Variants in BZW2 observed in about 807,000 individuals in gnomAD.
BZW2 encodes the protein basic leucine zipper and W2 domains 2.
BZW2 carries 23 observed loss-of-function variants against 53.2 expected under a neutral mutation model. That is an observed-to-expected ratio of 0.43 (90% CI 0.31 to 0.61). The LOEUF is 0.61. BZW2 is among the 20% of genes least tolerant of loss of function. The pLI is 0.09. For synonymous variants in BZW2, 227 were observed against 186.4 expected (o/e 1.22, Z -1.77); for missense variants, 409 against 503.1 (o/e 0.81, Z 1.79).
intron 7 of BZW2, among the ~76,000 whole-genome samples, chr7:16,691,233 C>G (rs573527687): frequency 1.3e-5 from 2 of 152,198 alleles, no homozygotes; most frequent in African/African-American, 4.8e-5. Flanking sequence ...CATGGTACCA[C>G]AAGCTGCAGA....
intron 1 of BZW2, among the ~76,000 whole-genome samples, chr7:16,649,382 G>A (rs1781936382): frequency 6.6e-6 from 1 of 152,128 alleles, no homozygotes; most frequent in South Asian, 2.1e-4. Flanking sequence ...GAGGTGAGGT[G>A]GCACTAAGCA....
rs961204941 is a variant in BZW2, at chr7:16,682,726, C to G, written c.340-54C>G. 4.4e-5 allele frequency: 51 copies of G among 1,168,176 alleles called. No individual in the cohort carries two copies. The African/African-American group carries it at 7.6e-4, about 17-fold the overall frequency. 72.4% of individuals were successfully genotyped at this position (1,168,176 alleles called of 1,614,324 possible). A position where few individuals can be genotyped will look rare whatever the true frequency, so the allele number is the denominator to read the frequency against. On this transcript the variant is annotated intron_variant, in intron 4 of 11. Transcript: ENST00000258761. ...TGTCATTATAGTGAGTTTCTATTACCTACTTCTGTGTCTTTTTGGTTGACC... is the reference window on the plus strand; with the variant it reads ...TGTCATTATAGTGAGTTTCTATTACGTACTTCTGTGTCTTTTTGGTTGACC...
chr7:16,657,890 T>C (rs1412622635), intron 1 of BZW2, among the ~76,000 whole-genome samples: 1 of 152,204 alleles, frequency 6.6e-6, no homozygotes, highest in East Asian at 1.9e-4. Flanking sequence ...ATTTCAGACC[T>C]AAGGGTCTTA....
At chr7:16,683,794 A>T (rs1162552780) in intron 5 of BZW2, among the ~76,000 whole-genome samples, 1 of 152,190 alleles carries the variant, frequency 6.6e-6, no homozygotes, top group African/African-American at 2.4e-5. Flanking sequence ...ATCTAAAGTA[A>T]AAAACCAAGT....
chr7:16,667,890 T>C (rs1467673514), intron 2 of BZW2, among the ~76,000 whole-genome samples: 1 of 152,210 alleles, frequency 6.6e-6, no homozygotes, highest in Non-Finnish European at 1.5e-5. Flanking sequence ...CCCACTACAT[T>C]GCCCCTTGCC....
Position 16,646,238 on chromosome 7 carries a change from C to T in BZW2, c.-58C>T. 1 of 343,492 alleles carries T rather than the reference C, an allele frequency of 2.9e-6. No homozygotes were observed. The highest frequency in any genetic ancestry group is 5.9e-6 in the Non-Finnish European group (1 of 168,266). The allele number at this position is 343,492 out of a possible 1,614,324, so 21.3% of individuals were successfully genotyped here. A position where few individuals can be genotyped will look rare whatever the true frequency, so the allele number is the denominator to read the frequency against. On this transcript the variant is annotated 5_prime_UTR_variant, in exon 1 of 12. It adds an upstream start codon to the 5' untranslated region. Transcript: ENST00000258761. ...TGCTGCTGCTGCCGCTGCTGCTGCA[C>T]GAATCGCCGCAGCCCCCAGCCTTGC... is the stretch of plus-strand genomic sequence containing the variant.
intron 1 of BZW2, among the ~76,000 whole-genome samples, chr7:16,663,208 G>GC (rs562202659): frequency 1.3e-5 from 2 of 152,106 alleles, no homozygotes; most frequent in Non-Finnish European, 2.9e-5. Context: ...TGTTGCTGTT[G>GC]CCCCCATACA....
intron 7 of BZW2, among the ~76,000 whole-genome samples, chr7:16,690,423 T>C (rs1008118907): frequency 6.6e-6 from 1 of 152,148 alleles, no homozygotes; most frequent in Non-Finnish European, 1.5e-5. Flanking sequence ...CAGGTTAGTC[T>C]TGAACTCCTG....
intron 1 of BZW2, among the ~76,000 whole-genome samples, chr7:16,647,774 A>T (rs1781903661): frequency 6.6e-6 from 1 of 152,230 alleles, no homozygotes; most frequent in Non-Finnish European, 1.5e-5. Flanking sequence ...CTAAAAAAAC[A>T]GTTGAGTGGT....
At chr7:16,648,197 A>G (rs1781914287) in intron 1 of BZW2, among the ~76,000 whole-genome samples, 1 of 152,244 alleles carries the variant, frequency 6.6e-6, no homozygotes, top group Non-Finnish European at 1.5e-5. Flanking sequence ...AGATTAGATA[A>G]TGAGCATATT....
intron 11 of BZW2, among the ~76,000 whole-genome samples, chr7:16,705,471 G>A (rs767971161): frequency 6.6e-6 from 1 of 152,096 alleles, no homozygotes; most frequent in Non-Finnish European, 1.5e-5. Flanking sequence ...AGATCATGAG[G>A]TCGGGAGATC....
intron 3 of BZW2, among the ~76,000 whole-genome samples, chr7:16,677,288 G>A (rs1782795892): frequency 6.6e-6 from 1 of 152,138 alleles, no homozygotes; most frequent in Non-Finnish European, 1.5e-5. Flanking sequence ...TTGGTCGGGT[G>A]TGAGCTAAGT....
intron 1 of BZW2, among the ~76,000 whole-genome samples, chr7:16,650,954 A>C (rs959112087): frequency 3.2e-4 from 49 of 152,268 alleles, no homozygotes; most frequent in African/African-American, 1.2e-3. Flanking sequence ...TTAAATGCCA[A>C]AAAGATAATG....
At chr7:16,692,308 T>TA (rs1453513583) in intron 7 of BZW2, among the ~76,000 whole-genome samples, 3 of 152,204 alleles carry the variant, frequency 2.0e-5, no homozygotes, top group Non-Finnish European at 4.4e-5. Flanking sequence ...ATTTATTCAA[T>TA]AAGTATGTAT....
At chr7:16,704,738 C>A in intron 11 of BZW2, 69 bp downstream of exon 11, 1 of 1,361,892 alleles carries the variant, frequency 7.3e-7, no homozygotes. Flanking sequence ...ATATTTACCT[C>A]TTCCACAGAT....
At chr7:16,673,198 G>A (rs113528614) in intron 2 of BZW2, among the ~76,000 whole-genome samples, 31 of 152,114 alleles carry the variant, frequency 2.0e-4, no homozygotes, top group African/African-American at 7.0e-4. Flanking sequence ...CGCCCGCCTC[G>A]GCCTCCCAAA....
Position 16,678,362 on chromosome 7 carries a change from G to A in BZW2, c.236-2939G>A, listed in dbSNP as rs141211827. Among the ~76,000 whole-genome samples the A allele has an allele frequency of 3.0e-4, 45 of 152,048 alleles. 1 individual carries two copies. In the East Asian group the frequency reaches 7.9e-3, roughly 27 times the overall value. On this transcript the variant is annotated intron_variant, in intron 3 of 11. Transcript: ENST00000258761. ...GCCCGGCCCCATTGTTCTTAAAATA[G>A]CAGCTATCTTGGTCTTTCAATATTA...
At chr7:16,660,579 C>G (rs541837839) in intron 1 of BZW2, among the ~76,000 whole-genome samples, 14 of 152,066 alleles carry the variant, frequency 9.2e-5, no homozygotes, top group African/African-American at 3.1e-4. Flanking sequence ...TTAAAAATTT[C>G]TATTCTTTAG....
intron 2 of BZW2, among the ~76,000 whole-genome samples, chr7:16,668,787 AAT>A (rs1782511410): frequency 6.6e-6 from 1 of 152,234 alleles, no homozygotes; most frequent in Admixed American, 6.5e-5. Flanking sequence ...TTAGCATTAA[AAT>A]ACAAACGTCA....
Sources: allele counts gnomAD v4.1 joint callset (sites outside exome capture counted in the v4.1 genomes callset), GRCh38; gene constraint gnomAD v4.1.1; transcripts MANE v1.5; gene names NCBI Gene and HGNC (gene_info 2026-07-23, HGNC 2026-07-21).